The following STARD13 variants were observed in gnomAD, a reference collection of about 807,000 sequenced individuals.
STARD13 encodes the protein stAR-related lipid transfer protein 13.
Under a neutral mutation model 106.4 loss-of-function variants are expected in STARD13, and 62 were observed. That is an observed-to-expected ratio of 0.58 (90% CI 0.48 to 0.72). The LOEUF (loss-of-function observed/expected upper bound fraction) is 0.72, where lower values mean the gene tolerates loss of function less well. Among genes scored for constraint, STARD13 ranks in the 30% least tolerant of loss-of-function variants. The probability of loss-of-function intolerance (pLI) is 0.00; values close to 1 mark genes in which losing one functional copy is unlikely to be tolerated. For missense variants in STARD13, 1,387 were observed against 1,424.0 expected (o/e 0.97, Z 0.42); for synonymous variants, 565 against 553.0 (o/e 1.02, Z -0.31).
At chr13:33,386,870 CTTAAT>C in the STARD13 span, among the ~76,000 whole-genome samples, 76 of 152,102 alleles carry the variant, frequency 5.0e-4, no homozygotes, top group East Asian at 0.015. Context: ...ACTCTTCTAC[CTTAAT>C]TTAAACTTTT....
chr13:33,189,533 A>G (rs1886088397), intron 1 of STARD13, among the ~76,000 whole-genome samples: 3 of 151,402 alleles, frequency 2.0e-5, no homozygotes, highest in African/African-American at 7.3e-5. Context: ...TGGCACTTTC[A>G]TAGGCTAGCA....
chr13:33,320,848 T>C (rs1408548328), intron 1 of STARD13, among the ~76,000 whole-genome samples: 1 of 152,124 alleles, frequency 6.6e-6, no homozygotes, highest in Non-Finnish European at 1.5e-5. Flanking sequence ...CCATTCTAAA[T>C]GGAAAACTAT....
intron 1 of STARD13, among the ~76,000 whole-genome samples, chr13:33,324,925 T>C (rs2077756393): frequency 6.6e-6 from 1 of 152,238 alleles, no homozygotes; most frequent in African/African-American, 2.4e-5. Context: ...TCCTCCAGAC[T>C]GTACCGGAAA....
the STARD13 span, among the ~76,000 whole-genome samples, chr13:33,647,415 T>C: frequency 6.6e-6 from 1 of 152,222 alleles, no homozygotes; most frequent in Non-Finnish European, 1.5e-5. Flanking sequence ...TTCCCAGTTG[T>C]ACACTGTCCT....
At chr13:33,448,564 C>T in the STARD13 span, among the ~76,000 whole-genome samples, 85 of 152,270 alleles carry the variant, frequency 5.6e-4, no homozygotes, top group Admixed American at 3.3e-4. Context: ...GTGCTAAACA[C>T]AGGAGTGCAA....
chr13:33,108,455 C>G (rs1296236901), intron 12 of STARD13, among the ~76,000 whole-genome samples: 1 of 139,084 alleles, frequency 7.2e-6, no homozygotes, highest in Non-Finnish European at 1.5e-5. Flanking sequence ...CCGCCCTGAC[C>G]ATTCTATTTA....
rs1873469694 is a variant in STARD13 at position 33,104,622 on chromosome 13, G to A, written c.*971C>T. 1 of 152,634 alleles carries A rather than the reference G, an allele frequency of 6.6e-6. No homozygotes were observed. The highest frequency in any genetic ancestry group is 2.1e-4 in the South Asian group (1 of 4,820). 9.5% of individuals were successfully genotyped at this position (152,634 alleles called of 1,614,324 possible). ...ATTAACTGTGACCAAATAGGCCACT[G>A]GTCAAATAGAATGACATTTAATAAC... On this transcript the variant is annotated 3_prime_UTR_variant, in exon 14 of 14. Coordinates refer to ENST00000336934, the MANE Select transcript of STARD13 (RefSeq NM_178006.4).
At chr13:33,309,424 T>C (rs1390006415) in intron 1 of STARD13, among the ~76,000 whole-genome samples, 2 of 152,156 alleles carry the variant, frequency 1.3e-5, no homozygotes, top group African/African-American at 4.8e-5. Context: ...CTCTTAGCTC[T>C]ATGCAAGGAG....
chr13:33,393,711 G>A, the STARD13 span, among the ~76,000 whole-genome samples: 1 of 152,104 alleles, frequency 6.6e-6, no homozygotes, highest in African/African-American at 2.4e-5. Flanking sequence ...TAAGCTAAAG[G>A]TTTCATATAA....
chr13:33,439,337 G>A, the STARD13 span, among the ~76,000 whole-genome samples: 2 of 152,156 alleles, frequency 1.3e-5, no homozygotes, highest in African/African-American at 4.8e-5. Context: ...CCTTACCTTC[G>A]AAGCAGATGT....
chr13:33,151,881 G>A (rs1881325217), intron 3 of STARD13, among the ~76,000 whole-genome samples: 2 of 152,084 alleles, frequency 1.3e-5, no homozygotes, highest in Admixed American at 6.5e-5. Context: ...ACAGAGACTC[G>A]GCCATTGGTT....
At chr13:33,466,403 A>T in the STARD13 span, among the ~76,000 whole-genome samples, 84 of 152,302 alleles carry the variant, frequency 5.5e-4, no homozygotes, top group African/African-American at 2.0e-3. Flanking sequence ...ATTTCAATAA[A>T]TATCAACATA....
chr13:33,332,517 C>T (rs533481014), intron 1 of STARD13, among the ~76,000 whole-genome samples: 4 of 152,180 alleles, frequency 2.6e-5, no homozygotes, highest in Admixed American at 2.0e-4. Context: ...GGGGATACAA[C>T]CAGAAAACGG....
chr13:33,238,871 C>T (rs1395121069), intron 1 of STARD13, among the ~76,000 whole-genome samples: 1 of 151,930 alleles, frequency 6.6e-6, no homozygotes, highest in Non-Finnish European at 1.5e-5. Context: ...ATAAAATTTA[C>T]CATCTTAACC....
At chr13:33,368,190 C>A in the STARD13 span, among the ~76,000 whole-genome samples, 1 of 152,164 alleles carries the variant, frequency 6.6e-6, no homozygotes, top group Non-Finnish European at 1.5e-5. Context: ...GCAATGTGTC[C>A]CGAGCTAGGT....
the STARD13 span, among the ~76,000 whole-genome samples, chr13:33,564,046 C>A: frequency 6.9e-6 from 1 of 145,058 alleles, no homozygotes; most frequent in Non-Finnish European, 1.5e-5. Flanking sequence ...CAAAAATTAG[C>A]CGGGTGTGGT....
chr13:33,124,305 A>T (rs1033058492), intron 7 of STARD13, among the ~76,000 whole-genome samples: 1 of 152,224 alleles, frequency 6.6e-6, no homozygotes, highest in Non-Finnish European at 1.5e-5. Flanking sequence ...GACTGGGTGC[A>T]TTATAAGGTG....
intron 1 of STARD13, among the ~76,000 whole-genome samples, chr13:33,309,736 C>T (rs945339548): frequency 2.0e-5 from 3 of 152,156 alleles, no homozygotes; most frequent in African/African-American, 7.2e-5. Flanking sequence ...TTAGACTGCA[C>T]ATAATATTAT....
At chr13:33,503,952 A>G in the STARD13 span, among the ~76,000 whole-genome samples, 30 of 152,348 alleles carry the variant, frequency 2.0e-4, no homozygotes, top group African/African-American at 7.2e-4. Context: ...AAGTATATGA[A>G]CAGACTCTTC....
Sources: allele counts gnomAD v4.1 joint callset (sites outside exome capture counted in the v4.1 genomes callset), GRCh38; gene constraint gnomAD v4.1.1; transcripts MANE v1.5; gene names NCBI Gene and HGNC (gene_info 2026-07-23, HGNC 2026-07-21).